The following NEGR1 variants were observed in gnomAD, a reference collection of about 807,000 sequenced individuals.
NEGR1 encodes the protein IgLON family member 4.
A neutral mutation model predicts 40.9 loss-of-function variants in NEGR1; 10 were observed. The observed-to-expected ratio is 0.24, with a 90% CI of 0.15 to 0.42. NEGR1 has a LOEUF of 0.42. Ranked by LOEUF, NEGR1 falls within the 10% of genes least tolerant of loss-of-function variation. NEGR1 has a pLI of 1.00. For synonymous variants in NEGR1, 185 were observed against 166.8 expected (o/e 1.11, Z -0.84); for missense variants, 352 against 438.9 (o/e 0.80, Z 1.77).
intron 1 of NEGR1, among the ~76,000 whole-genome samples, chr1:72,281,815 G>A (rs1656264020): frequency 6.6e-6 from 1 of 151,594 alleles, no homozygotes; most frequent in Non-Finnish European, 1.5e-5. Context: ...TGAGGAAGGA[G>A]AAAAGAAAGA....
chr1:71,670,731 C>A (rs1383827595), intron 4 of NEGR1, among the ~76,000 whole-genome samples: 5 of 152,012 alleles, frequency 3.3e-5, no homozygotes, highest in Non-Finnish European at 7.4e-5. Flanking sequence ...TTTACACATC[C>A]ATTTTGTCTC....
intron 1 of NEGR1, among the ~76,000 whole-genome samples, chr1:72,130,533 G>C (rs981802520): frequency 6.6e-6 from 1 of 152,112 alleles, no homozygotes; most frequent in Admixed American, 6.6e-5. Flanking sequence ...CTGGCGTTTA[G>C]TGCTTTTTTG....
chr1:72,002,962 C>A (rs992815362), intron 1 of NEGR1, among the ~76,000 whole-genome samples: 1 of 152,038 alleles, frequency 6.6e-6, no homozygotes, highest in African/African-American at 2.4e-5. Context: ...AGGTTATTAA[C>A]ATTTGGGGAC....
intron 4 of NEGR1, among the ~76,000 whole-genome samples, chr1:71,692,868 G>T (rs1266379998): frequency 1.3e-5 from 2 of 151,762 alleles, no homozygotes; most frequent in Admixed American, 1.3e-4. Flanking sequence ...CTATTTATTT[G>T]ATCATAGGAA....
At chr1:71,687,686 T>G (rs917513700) in intron 4 of NEGR1, among the ~76,000 whole-genome samples, 11 of 152,228 alleles carry the variant, frequency 7.2e-5, no homozygotes, top group Admixed American at 6.5e-5. Context: ...CTGCGCACAT[T>G]CTGGTTATTG....
At chr1:71,770,690 C>T (rs926171757) in intron 3 of NEGR1, among the ~76,000 whole-genome samples, 4 of 151,992 alleles carry the variant, frequency 2.6e-5, no homozygotes, top group Admixed American at 2.6e-4. Flanking sequence ...AAACTGAAGA[C>T]AATTTGACCA....
chr1:71,622,613 T>C (rs992371750), intron 4 of NEGR1, among the ~76,000 whole-genome samples: 3 of 151,888 alleles, frequency 2.0e-5, no homozygotes, highest in African/African-American at 7.2e-5. Flanking sequence ...ATGATGTTTA[T>C]TGCTATGTTT....
chr1:72,262,652 G>A (rs186083012), intron 1 of NEGR1, among the ~76,000 whole-genome samples: 1 of 151,830 alleles, frequency 6.6e-6, no homozygotes, highest in Admixed American at 6.6e-5. Context: ...AAGCAAAGAG[G>A]TTTATAAATA....
At chr1:71,580,917 C>G (rs372120734) in intron 6 of NEGR1, among the ~76,000 whole-genome samples, 123 of 152,192 alleles carry the variant, frequency 8.1e-4, no homozygotes, top group African/African-American at 2.8e-3. Context: ...CTTATACTAG[C>G]TTTTAAGGCC....
At chr1:72,213,085 T>G (rs1263183067) in intron 1 of NEGR1, among the ~76,000 whole-genome samples, 1 of 152,004 alleles carries the variant, frequency 6.6e-6, no homozygotes, top group Non-Finnish European at 1.5e-5. Flanking sequence ...AAATAAGCAT[T>G]ATTTTTCTGA....
At chr1:71,488,299 GATGAGAAAGGAT>G (rs1228872261) in intron 6 of NEGR1, among the ~76,000 whole-genome samples, 1 of 151,734 alleles carries the variant, frequency 6.6e-6, no homozygotes, top group Non-Finnish European at 1.5e-5. Context: ...TAGTTTCCTT[GATGAGAAAGGAT>G]ACAGTGTTCT....
At chr1:71,628,502 T>C (rs1029600231) in intron 4 of NEGR1, among the ~76,000 whole-genome samples, 1 of 151,966 alleles carries the variant, frequency 6.6e-6, no homozygotes, top group Non-Finnish European at 1.5e-5. Context: ...GCCATGGTGG[T>C]TTGCTGCACC....
At chr1:71,637,215 C>T (rs1407340607) in intron 4 of NEGR1, among the ~76,000 whole-genome samples, 1 of 151,940 alleles carries the variant, frequency 6.6e-6, no homozygotes, top group Non-Finnish European at 1.5e-5. Context: ...ACCAAGCATG[C>T]CAGCATATTA....
At chr1:72,013,799 C>A (rs1002646189) in intron 1 of NEGR1, among the ~76,000 whole-genome samples, 1 of 150,334 alleles carries the variant, frequency 6.7e-6, no homozygotes, top group African/African-American at 2.4e-5. Context: ...ACATTCGCTA[C>A]CCTGACATTT....
intron 1 of NEGR1, among the ~76,000 whole-genome samples, chr1:72,146,807 C>T (rs1197771431): frequency 1.3e-5 from 2 of 152,160 alleles, no homozygotes; most frequent in South Asian, 2.1e-4. Flanking sequence ...GCTGTTTTAA[C>T]ACCTCAGTAG....
chr1:71,488,434 C>A (rs1158871643), intron 6 of NEGR1, among the ~76,000 whole-genome samples: 1 of 151,736 alleles, frequency 6.6e-6, no homozygotes, highest in African/African-American at 2.4e-5. Flanking sequence ...GAGACCAGAG[C>A]AGTTTCTGCA....
intron 1 of NEGR1, among the ~76,000 whole-genome samples, chr1:71,939,263 G>C (rs1231786644): frequency 1.3e-5 from 2 of 152,036 alleles, no homozygotes; most frequent in African/African-American, 4.8e-5. Context: ...AAAATAGCGC[G>C]ACTGTTCCCA....
chr1:72,051,033 C>T (rs1455957635), intron 1 of NEGR1, among the ~76,000 whole-genome samples: 1 of 151,504 alleles, frequency 6.6e-6, no homozygotes, highest in African/African-American at 2.4e-5. Context: ...TTCGACCCCA[C>T]TAAACTTTCC....
chr1:72,270,512 C>A (rs929550047), intron 1 of NEGR1, among the ~76,000 whole-genome samples: 1 of 151,846 alleles, frequency 6.6e-6, no homozygotes, highest in Non-Finnish European at 1.5e-5. Context: ...TTATTTGCTA[C>A]ACTATCCAGA....
Sources: gnomAD v4.1 joint callset for allele counts (sites outside exome capture counted in the v4.1 genomes callset) on GRCh38, gnomAD v4.1.1 for gene constraint, MANE v1.5 for transcripts, NCBI Gene and HGNC (gene_info 2026-07-23, HGNC 2026-07-21) for gene names.